CD109: variants seen among roughly 807,000 people sequenced by gnomAD.
CD109 encodes the protein CD109 molecule.
Under a neutral mutation model 165.8 loss-of-function variants are expected in CD109, and 149 were observed. The ratio of observed to expected loss-of-function variants is 0.90; its 90% CI spans 0.79 to 1.03. The LOEUF is 1.03. Among genes scored for constraint, CD109 ranks in the 50% least tolerant of loss-of-function variants. The pLI is 0.00. For synonymous variants in CD109, 585 were observed against 592.1 expected, an observed-to-expected ratio of 0.99 and a Z score of 0.18; for missense variants, 1,712 against 1,677.8, an observed-to-expected ratio of 1.02 and a Z score of -0.36.
At chr6:73,778,724 C>G (rs568749610) in intron 15 of CD109, among the ~76,000 whole-genome samples, 2 of 151,892 alleles carry the variant, frequency 1.3e-5, no homozygotes, top group African/African-American at 4.8e-5. Flanking sequence ...TGGATGCAGC[C>G]ATGGTTGTTG....
At chr6:73,710,211 A>T (rs1373239130) in intron 2 of CD109, among the ~76,000 whole-genome samples, 2 of 152,180 alleles carry the variant, frequency 1.3e-5, no homozygotes, top group Non-Finnish European at 2.9e-5. Flanking sequence ...TCAGCCCAAA[A>T]TCTCCTTAAG....
At chr6:73,689,847 A>T in the CD109 span, among the ~76,000 whole-genome samples, 11 of 152,328 alleles carry the variant, frequency 7.2e-5, no homozygotes, top group East Asian at 1.2e-3. Context: ...TATTATTATG[A>T]TACCATTGAT....
chr6:73,747,148 A>G (rs561644518), intron 5 of CD109, among the ~76,000 whole-genome samples: 1 of 152,314 alleles, frequency 6.6e-6, no homozygotes, highest in Admixed American at 6.5e-5. Context: ...CTACTTTGTC[A>G]GAAAACTTGC....
chr6:73,802,667 A>C (rs549354846), intron 23 of CD109, among the ~76,000 whole-genome samples: 1 of 149,834 alleles, frequency 6.7e-6, no homozygotes, highest in East Asian at 2.0e-4. Flanking sequence ...GTGATCTTTT[A>C]ATTTACTTTA....
chr6:73,788,805 A>G (rs112913750), intron 22 of CD109, among the ~76,000 whole-genome samples, 193 bp downstream of exon 22: 14 of 152,322 alleles, frequency 9.2e-5, no homozygotes, highest in South Asian at 4.1e-4. Context: ...TCAATCTTCA[A>G]TGTGCATAAG....
At chr6:73,813,882 G>A (rs991369112) in intron 29 of CD109, among the ~76,000 whole-genome samples, 9 of 152,124 alleles carry the variant, frequency 5.9e-5, no homozygotes, top group African/African-American at 2.2e-4. Flanking sequence ...GCCACCGAAA[G>A]GGGAATGATG....
At chr6:73,813,877 C>T (rs767028687) in intron 29 of CD109, among the ~76,000 whole-genome samples, 1 of 151,976 alleles carries the variant, frequency 6.6e-6, no homozygotes, top group Non-Finnish European at 1.5e-5. Context: ...TGCATGCCAC[C>T]GAAAGGGGAA....
At chr6:73,751,799 C>G (rs549708442) in intron 5 of CD109, among the ~76,000 whole-genome samples, 2 of 152,230 alleles carry the variant, frequency 1.3e-5, no homozygotes, top group South Asian at 4.1e-4. Context: ...CCACTCCTAG[C>G]TCATCGAAAG....
intron 2 of CD109, among the ~76,000 whole-genome samples, chr6:73,714,464 C>G (rs905401803): frequency 2.0e-5 from 3 of 152,210 alleles, no homozygotes; most frequent in Admixed American, 2.0e-4. Flanking sequence ...CCCCACTGCT[C>G]TCTCCCCTAG....
chr6:73,712,538 C>G (rs992657309), intron 2 of CD109, among the ~76,000 whole-genome samples: 2 of 152,070 alleles, frequency 1.3e-5, no homozygotes, highest in Admixed American at 1.3e-4. Context: ...TACTCCTTCC[C>G]TTCAATGATT....
At position 73,781,835 on chromosome 6, in the gene CD109, A is replaced by ACACACACACACACACACACACACACACAC. The variant is rs150665697; in HGVS notation, c.1963+517_1963+518insACACACACACACACACACACACACACACC. On this transcript the variant is annotated intron_variant, in intron 17 of 32. Transcript: ENST00000287097. ...CACGCAGACACACACACACACACAC[A>ACACACACACACACACACACACACACACAC]CCCCTCATCAATCTGAGTTCTTCCT... Among the ~76,000 whole-genome samples, 67 of 144,418 alleles carry ACACACACACACACACACACACACACACAC rather than the reference A, an allele frequency of 4.6e-4. 1 individual carries two copies. Among genetic ancestry groups the ACACACACACACACACACACACACACACAC allele is most frequent in the African/African-American group, 1.3e-3 (50 of 38,018 alleles). The allele number at this position is 144,418 out of a possible 152,430, so 94.7% of individuals were successfully genotyped here.
At chr6:73,758,316 A>AT (rs1398599376) in intron 6 of CD109, among the ~76,000 whole-genome samples, 2 of 152,128 alleles carry the variant, frequency 1.3e-5, no homozygotes, top group Non-Finnish European at 2.9e-5. Flanking sequence ...AGAAACACAC[A>AT]TTTTTTACTC....
chr6:73,781,032 AGATC>A (rs1774472577), intron 16 of CD109, among the ~76,000 whole-genome samples: 1 of 149,882 alleles, frequency 6.7e-6, no homozygotes, highest in Non-Finnish European at 1.5e-5. Context: ...TGAGTGAGAA[AGATC>A]GATGGGCATG....
intron 5 of CD109, among the ~76,000 whole-genome samples, chr6:73,745,832 G>A (rs560144223): frequency 1.2e-3 from 187 of 152,254 alleles, no homozygotes; most frequent in Middle Eastern, 3.4e-3. Context: ...AGGTTCAAGC[G>A]ATTCACCTGC....
At position 73,759,026 on chromosome 6, in the gene CD109, A is replaced by G. The variant is rs376967090; in HGVS notation, c.756A>G (p.Ala252=). The change falls in exon 7 of 33, where the codon GCA becomes GCG. Residue 252 remains alanine (A), a splice_region_variant and synonymous_variant. Transcript: ENST00000287097. The part of the protein sequence containing the change: ...NSKHLNGTIT[A]KYTYGKPVKG... ...AGCATTTAAATGGTACCATCACGGC[A>G]AAGTAAGTGTCATTTTTCTTTTGAT... 245 of 1,575,520 alleles carry G rather than the reference A, an allele frequency of 1.6e-4. No individual in the cohort carries two copies. Among genetic ancestry groups the G allele is most frequent in the Non-Finnish European group, 2.0e-4 (233 of 1,146,226 alleles).
At chr6:73,816,282 C>T (rs58958915) in intron 30 of CD109, among the ~76,000 whole-genome samples, 3,616 of 152,220 alleles carry the variant, frequency 0.024, 164 homozygotes, top group African/African-American at 0.082. Context: ...TTATTTTTTA[C>T]GAATCTTCCA....
chr6:73,752,933 G>A (rs1282119689), intron 5 of CD109, among the ~76,000 whole-genome samples: 1 of 152,122 alleles, frequency 6.6e-6, no homozygotes, highest in Non-Finnish European at 1.5e-5. Context: ...TACTTCCTAC[G>A]AAAAGACTGT....
intron 2 of CD109, among the ~76,000 whole-genome samples, chr6:73,710,946 T>A (rs1771515613): frequency 6.6e-6 from 1 of 152,244 alleles, no homozygotes; most frequent in Non-Finnish European, 1.5e-5. Flanking sequence ...TTATGGATGC[T>A]GAAATTTTGA....
intron 6 of CD109, 41 bp from the exon 7 acceptor site, chr6:73,758,903 T>A: frequency 9.1e-7 from 1 of 1,104,738 alleles, no homozygotes. Context: ...CTTCTTCGTC[T>A]CAAAAAGAAA....
Sources: gnomAD v4.1 joint callset for allele counts (sites outside exome capture counted in the v4.1 genomes callset) on GRCh38, gnomAD v4.1.1 for gene constraint, MANE v1.5 for transcripts, NCBI Gene and HGNC (gene_info 2026-07-23, HGNC 2026-07-21) for gene names.